SYMPK: variants seen among roughly 807,000 people sequenced by gnomAD.
SYMPK encodes symplekin scaffold protein.
Under a neutral mutation model 136.4 loss-of-function variants are expected in SYMPK, and 49 were observed. The ratio of observed to expected loss-of-function variants is 0.36; its 90% confidence interval spans 0.29 to 0.46. The LOEUF (loss-of-function observed/expected upper bound fraction) is 0.46, where lower values mean the gene tolerates loss of function less well. Ranked by LOEUF, SYMPK falls within the 20% of genes least tolerant of loss-of-function variation. SYMPK has a pLI of 1.00. For synonymous variants in SYMPK, 766 were observed against 713.0 expected (o/e 1.07, Z -1.19); for missense variants, 1,365 against 1,690.0 (o/e 0.81, Z 3.37).
At position 45,831,431 on chromosome 19, in the gene SYMPK, C is replaced by T. The variant is rs566434106; in HGVS notation, c.1551G>A (p.Pro517=). The change falls in exon 12 of 27, where the codon CCG becomes CCA. Residue 517 remains proline, a synonymous_variant. Coordinates refer to ENST00000245934, the MANE Select transcript of SYMPK (RefSeq NM_004819.3). ...SSMSPLEEEA[P]QAKRRPEPII... ...TGGGCTCTGGCCTCCTCTTGGCCTG[C>T]GGTGCCTCTTCCTCCAGGGGGGACA... 26 of 1,602,486 alleles carry T rather than the reference C, an allele frequency of 1.6e-5. No individual in the cohort carries two copies. Among genetic ancestry groups the T allele is most frequent in the African/African-American group, 6.7e-5 (5 of 74,740 alleles).
At chr19:45,822,306 G>C (rs1319753501) in intron 21 of SYMPK, among the ~76,000 whole-genome samples, 2 of 152,010 alleles carry the variant, frequency 1.3e-5, no homozygotes, top group South Asian at 2.1e-4. Flanking sequence ...TTTTAGTAGA[G>C]ACGGGGTTTC....
chr19:45,842,663 T>TG (rs1231518466), intron 8 of SYMPK, 174 bp from the exon 9 acceptor site: 9 of 784,070 alleles, frequency 1.1e-5, no homozygotes, highest in Admixed American at 5.8e-5. Flanking sequence ...CTTCAAACCC[T>TG]GGGGGTCTCC....
At chr19:45,842,749 T>C (rs1971472873) in intron 8 of SYMPK, 1 of 460,364 alleles carries the variant, frequency 2.2e-6, no homozygotes, top group South Asian at 3.0e-5. Context: ...TCCTCCTCCA[T>C]CTCTGGTCTG....
chr19:45,846,221 G>A (rs1357438150), intron 7 of SYMPK, among the ~76,000 whole-genome samples: 3 of 152,208 alleles, frequency 2.0e-5, no homozygotes, highest in African/African-American at 7.2e-5. Context: ...GGGTGAAAGA[G>A]CGAGACTCCG....
In SYMPK at chr19:45,833,372, C is replaced by T. The variant is rs1267190722; in HGVS notation, c.1393+1706G>A. The stretch of plus-strand genomic sequence containing the variant: ...ATCCCAGGACTTTCGGAGGCCAAGA[C>T]GGACAGATCACAAGGTCAGGAGATC... On this transcript the variant is annotated intron_variant, in intron 11 of 26. Transcript: ENST00000245934. 3.3e-5 allele frequency among the ~76,000 whole-genome samples: 5 copies of T among 152,218 alleles called. 1 individual carries two copies. Among genetic ancestry groups the T allele is most frequent in the Middle Eastern group, 6.8e-3 (2 of 294 alleles).
At chr19:45,858,105 GAC>G (rs1224862901) in intron 1 of SYMPK, among the ~76,000 whole-genome samples, 6 of 152,020 alleles carry the variant, frequency 3.9e-5, no homozygotes, top group African/African-American at 1.4e-4. Context: ...AGCCGAAAAT[GAC>G]ACGTTTTTTA....
intron 5 of SYMPK, among the ~76,000 whole-genome samples, chr19:45,849,939 G>A (rs1235793092): frequency 6.6e-6 from 1 of 152,106 alleles, no homozygotes; most frequent in African/African-American, 2.4e-5. Flanking sequence ...CAGCTACTTG[G>A]GAGGCTGAGG....
Position 45,816,116 on chromosome 19 carries a change from A to T in SYMPK, c.3422T>A (p.Leu1141Gln). The T allele has an allele frequency of 6.4e-7, 1 of 1,554,878 alleles. No homozygotes were observed. Among genetic ancestry groups the T allele is most frequent in the African/African-American group, 1.4e-5 (1 of 73,676 alleles). ...APRPPQDLIG[L>Q]RLAQEKALKR... ...TAAGGCCTTCTCCTGGGCCAGTCGCAGGCCGATGAGGTCCTGAGGGGGCCG... is the reference window on the plus strand; with the variant it reads ...TAAGGCCTTCTCCTGGGCCAGTCGCTGGCCGATGAGGTCCTGAGGGGGCCG... The change falls in exon 26 of 27, where the codon CTG becomes CAG. Residue 1141 changes from leucine to glutamine, a missense_variant. Transcript: ENST00000245934.
Position 45,835,195 on chromosome 19 carries a change from T to A in SYMPK, c.1276A>T (p.Met426Leu), listed in dbSNP as rs760111852. ...TAGATGGCCTGGAAGGAGGCTGGCA[T>A]GGCCTCGGGTAGGTACACCATGCTG... ...LISMVYLPEA[M>L]PASFQAIYTP... The change falls in exon 11 of 27, where the codon ATG (methionine) becomes TTG (leucine). Residue 426 changes from methionine to leucine, a missense_variant. By Grantham distance (15) the Met-to-Leu change is conservative (BLOSUM62 2). Transcript: ENST00000245934. 6.2e-7 allele frequency: 1 copy of A among 1,611,660 alleles called. No individual in the cohort carries two copies.
chr19:45,823,628 G>T, intron 19 of SYMPK, 139 bp downstream of exon 19: 1 of 970,218 alleles, frequency 1.0e-6, no homozygotes, highest in Non-Finnish European at 1.6e-6. Flanking sequence ...GTTCCAAATG[G>T]AGAAACTGAG....
At chr19:45,857,531 G>A (rs1297796609) in intron 1 of SYMPK, among the ~76,000 whole-genome samples, 1 of 150,206 alleles carries the variant, frequency 6.7e-6, no homozygotes, top group Non-Finnish European at 1.5e-5. Flanking sequence ...TTGCACTGTC[G>A]CCCAGGCTGG....
chr19:45,815,780 C>G, intron 26 of SYMPK, 71 bp downstream of exon 26: 1 of 1,581,944 alleles, frequency 6.3e-7, no homozygotes, highest in African/African-American at 1.3e-5. Context: ...CCCCTGATGG[C>G]CCCTCCTCCC....
At chr19:45,816,236 G>A (rs571307676) in intron 25 of SYMPK, 53 bp from the exon 26 acceptor site, 3 of 1,326,848 alleles carry the variant, frequency 2.3e-6, no homozygotes, top group Admixed American at 5.4e-5. Flanking sequence ...CTCAGAGGAC[G>A]GCCGGAAAGA....
rs1196975255 is a variant in SYMPK at position 45,852,345 on chromosome 19, C to T, written c.266G>A (p.Arg89Gln). ...AFQADKSIEVRKFVIGFIEEA... is the reference protein window; with the variant it reads ...AFQADKSIEVQKFVIGFIEEA... ...CTCGATGAAGCCGATGACAAATTTTCGCACTTCGATTGACTTGTCTGCTTG... is the reference window on the plus strand; with the variant it reads ...CTCGATGAAGCCGATGACAAATTTTTGCACTTCGATTGACTTGTCTGCTTG... Residue 89 changes from arginine (R) to glutamine (Q), a missense_variant, in exon 5 of 27, where the codon CGA becomes CAA. This residue lies in a region of SYMPK where 237 missense variants were observed against 292.9 expected (regional missense o/e 0.81). Transcript: ENST00000245934. 1.2e-6 allele frequency: 2 copies of T among 1,614,220 alleles called. No individual in the cohort carries two copies. Among genetic ancestry groups the T allele is most frequent in the East Asian group, 2.2e-5 (1 of 44,880 alleles).
At chr19:45,843,230 G>A (rs925735080) in intron 8 of SYMPK, among the ~76,000 whole-genome samples, 12 of 152,182 alleles carry the variant, frequency 7.9e-5, no homozygotes, top group African/African-American at 2.9e-4. Context: ...CATGAACTAT[G>A]GGGGGCCATC....
At position 45,823,696 on chromosome 19, in the gene SYMPK, A is replaced by T. The variant is rs1426173405; in HGVS notation, c.2599+71T>A. 6 of 1,367,942 alleles carry T rather than the reference A, an allele frequency of 4.4e-6. No individual in the cohort carries two copies. In the East Asian group the frequency reaches 9.2e-5, roughly 21 times the overall value. The allele number at this position is 1,367,942 out of a possible 1,614,324, so 84.7% of individuals were successfully genotyped here. ...CGACCATCTGGGGACCCAGCAGCTCAGATCCCCAGGGCCCGGGGAAGGCTA... is the reference window on the plus strand; with the variant it reads ...CGACCATCTGGGGACCCAGCAGCTCTGATCCCCAGGGCCCGGGGAAGGCTA... On this transcript the variant is annotated intron_variant, in intron 19 of 26. Coordinates refer to ENST00000245934, the MANE Select transcript of SYMPK (RefSeq NM_004819.3).
At chr19:45,827,221 T>C (rs1385846474) in intron 16 of SYMPK, among the ~76,000 whole-genome samples, 1 of 151,990 alleles carries the variant, frequency 6.6e-6, no homozygotes, top group African/African-American at 2.4e-5. Context: ...CCACCACGGG[T>C]GGACTAAGAG....
rs139079117 is a variant in SYMPK, at chr19:45,841,540, G to A, written c.1087+710C>T. Reference sequence around the variant, plus strand: ...ACTCCTAACCTCAGGTGATTCACATGCCTTGGCCTCCCAAAGTGCTGGGAT... The same window carrying A: ...ACTCCTAACCTCAGGTGATTCACATACCTTGGCCTCCCAAAGTGCTGGGAT... On this transcript the variant is annotated intron_variant, in intron 9 of 26. Coordinates refer to ENST00000245934, the MANE Select transcript of SYMPK (RefSeq NM_004819.3). Among the ~76,000 whole-genome samples the A allele has an allele frequency of 6.6e-3, 1,001 of 151,270 alleles. 4 individuals carry two copies. Among genetic ancestry groups the A allele is most frequent in the South Asian group, 0.025 (118 of 4,778 alleles).
intron 9 of SYMPK, among the ~76,000 whole-genome samples, chr19:45,840,184 G>A (rs140934723): frequency 7.9e-5 from 12 of 151,530 alleles, no homozygotes; most frequent in South Asian, 2.1e-4. Context: ...ATATGATGGC[G>A]CGCACCAGTA....
Sources: allele counts gnomAD v4.1 joint callset (sites outside exome capture counted in the v4.1 genomes callset), GRCh38; gene constraint gnomAD v4.1.1; regional missense constraint gnomAD v4.1.1; transcripts MANE v1.5; gene names NCBI Gene and HGNC (gene_info 2026-07-23, HGNC 2026-07-21).